CDH13: variants seen among roughly 807,000 people sequenced by gnomAD.
CDH13 encodes cadherin 13, also known as cadherin-13.
In CDH13, 24 loss-of-function variants were observed where a neutral mutation model predicts 63.8. That is an observed-to-expected ratio of 0.38 (90% CI 0.27 to 0.53). The LOEUF (loss-of-function observed/expected upper bound fraction) is 0.53. CDH13 is among the 20% of genes least tolerant of loss of function. The pLI, the probability that CDH13 is intolerant of heterozygous loss-of-function variation, is 0.85. For synonymous variants in CDH13, 503 were observed against 355.3 expected (o/e 1.42, Z -4.67); for missense variants, 1,049 against 903.1 (o/e 1.16, Z -2.07).
At chr16:83,750,735 G>A (rs1913011009) in intron 11 of CDH13, among the ~76,000 whole-genome samples, 1 of 152,154 alleles carries the variant, frequency 6.6e-6, no homozygotes, top group Non-Finnish European at 1.5e-5. Flanking sequence ...AGCAGCTGGG[G>A]GAGAGGCTGG....
At chr16:83,341,440 G>A (rs945160807) in intron 5 of CDH13, among the ~76,000 whole-genome samples, 45 of 152,142 alleles carry the variant, frequency 3.0e-4, no homozygotes, top group African/African-American at 1.1e-3. Context: ...GTGATTGGGT[G>A]GATAAGGCTG....
intron 13 of CDH13, among the ~76,000 whole-genome samples, chr16:83,792,188 G>A (rs1015229491): frequency 3.3e-5 from 5 of 152,204 alleles, no homozygotes; most frequent in Admixed American, 1.3e-4. Context: ...GCAGACGGCC[G>A]CGGTCATGCT....
chr16:83,667,421 C>T (rs1456581610), intron 8 of CDH13, among the ~76,000 whole-genome samples: 1 of 151,836 alleles, frequency 6.6e-6, no homozygotes, highest in Admixed American at 6.6e-5. Flanking sequence ...CCTACCCATC[C>T]ATCCATCCAC....
rs569680968 is a variant in CDH13 at position 83,371,076 on chromosome 16, C to A, written c.781+26070C>A. ...TGCAGAAAAAAAGGGAACATTTTTA[C>A]ACTGCTAGTGGGAATGTAAGTTAGT... On this transcript the variant is annotated intron_variant, in intron 6 of 13. Coordinates refer to ENST00000567109, the MANE Select transcript of CDH13 (RefSeq NM_001257.5). Among the ~76,000 whole-genome samples, 292 of 152,344 alleles carry A rather than the reference C, an allele frequency of 1.9e-3. 2 individuals carry two copies. The highest frequency in any genetic ancestry group is 8.1e-3 in the South Asian group (39 of 4,826).
intron 5 of CDH13, among the ~76,000 whole-genome samples, chr16:83,309,188 A>G (rs979604134): frequency 2.0e-5 from 3 of 152,168 alleles, no homozygotes; most frequent in African/African-American, 7.2e-5. Context: ...TTGCAGCGTT[A>G]TACCGAGTGC....
At chr16:83,216,443 T>TATATATATATAAATATATATATATATAC (rs1472700247) in intron 4 of CDH13, among the ~76,000 whole-genome samples, 5 of 93,420 alleles carry the variant, frequency 5.4e-5, no homozygotes, top group Non-Finnish European at 1.1e-4. Flanking sequence ...TATATATATA[T>TATATATATATAAATATATATATATATAC]ACACAACCCT....
At chr16:83,732,226 C>T (rs1026594856) in intron 10 of CDH13, among the ~76,000 whole-genome samples, 1 of 152,162 alleles carries the variant, frequency 6.6e-6, no homozygotes, top group East Asian at 1.9e-4. Flanking sequence ...GGAGAGTCAA[C>T]AGCTTAATGG....
Position 83,032,056 on chromosome 16 carries a change from C to G in CDH13, c.204C>G (p.Val68=), listed in dbSNP as rs751991343. ...GAAACGACAAGCTACGCTATGAGGT[C>G]TCGAGCCCATACTTCAAGGTGAACA... The part of the protein sequence containing the change: ...CKGNDKLRYE[V]SSPYFKVNSD... The change falls in exon 3 of 14, where the codon GTC becomes GTG. Residue 68 remains valine (V), a synonymous_variant. Coordinates refer to ENST00000567109, the MANE Select transcript of CDH13 (RefSeq NM_001257.5). 3.7e-6 allele frequency: 6 copies of G among 1,608,936 alleles called. No homozygotes were observed. The African/African-American group carries it at 4.0e-5, about 11-fold the overall frequency.
intron 1 of CDH13, among the ~76,000 whole-genome samples, chr16:82,764,860 T>G (rs2034993401): frequency 1.3e-5 from 2 of 151,020 alleles, no homozygotes; most frequent in African/African-American, 4.9e-5. Flanking sequence ...TGTCATCCAG[T>G]CTGGAGTGCA....
chr16:82,693,399 C>A (rs1001035042), intron 1 of CDH13, among the ~76,000 whole-genome samples: 1 of 152,064 alleles, frequency 6.6e-6, no homozygotes, highest in Admixed American at 6.5e-5. Flanking sequence ...CACAGTTGTG[C>A]AGGACATATC....
intron 1 of CDH13, among the ~76,000 whole-genome samples, chr16:82,706,078 C>T (rs911660219): frequency 6.6e-6 from 1 of 151,042 alleles, no homozygotes; most frequent in Non-Finnish European, 1.5e-5. Flanking sequence ...TCTCTTCCTC[C>T]CTTTCTTCTT....
intron 1 of CDH13, among the ~76,000 whole-genome samples, chr16:82,722,833 C>G (rs1049351739): frequency 2.6e-5 from 4 of 151,966 alleles, no homozygotes; most frequent in Non-Finnish European, 5.9e-5. Context: ...TTCACGTGAG[C>G]CCACCTGTGA....
intron 8 of CDH13, among the ~76,000 whole-genome samples, chr16:83,618,817 C>G (rs1277944821): frequency 6.6e-6 from 1 of 151,122 alleles, no homozygotes; most frequent in Admixed American, 6.6e-5. Context: ...ACAGGTTCAA[C>G]TTATCCTGTG....
intron 2 of CDH13, among the ~76,000 whole-genome samples, chr16:82,913,678 C>T (rs2041904584): frequency 6.6e-6 from 1 of 152,026 alleles, no homozygotes; most frequent in Non-Finnish European, 1.5e-5. Context: ...GTAAGGAGTG[C>T]ATGGGGAGGA....
At chr16:83,105,810 A>T (rs1467119495) in intron 3 of CDH13, among the ~76,000 whole-genome samples, 2 of 152,170 alleles carry the variant, frequency 1.3e-5, no homozygotes, top group Non-Finnish European at 1.5e-5. Context: ...ATGTGTGTGT[A>T]TGTCTGTGTG....
At chr16:83,393,002 C>T (rs1038901565) in intron 6 of CDH13, among the ~76,000 whole-genome samples, 2 of 151,930 alleles carry the variant, frequency 1.3e-5, no homozygotes, top group African/African-American at 4.8e-5. Flanking sequence ...TGTGGGTGCC[C>T]AGGCCTGGGA....
intron 7 of CDH13, among the ~76,000 whole-genome samples, chr16:83,504,587 G>A (rs906911352): frequency 6.6e-6 from 1 of 152,192 alleles, no homozygotes; most frequent in Non-Finnish European, 1.5e-5. Context: ...ATTCTAGCAA[G>A]ATGGGACCCA....
intron 1 of CDH13, among the ~76,000 whole-genome samples, chr16:82,660,875 T>G (rs1408347386): frequency 6.6e-6 from 1 of 152,108 alleles, no homozygotes; most frequent in African/African-American, 2.4e-5. Flanking sequence ...AACAAAGATG[T>G]AAAGAGCCTT....
intron 7 of CDH13, among the ~76,000 whole-genome samples, chr16:83,601,179 G>A (rs1907755502): frequency 6.6e-6 from 1 of 152,176 alleles, no homozygotes; most frequent in African/African-American, 2.4e-5. Flanking sequence ...CACATGAGCA[G>A]AGAAGAAGTA....
Sources: gnomAD v4.1 joint callset for allele counts (sites outside exome capture counted in the v4.1 genomes callset) on GRCh38, gnomAD v4.1.1 for gene constraint, MANE v1.5 for transcripts, NCBI Gene and HGNC (gene_info 2026-07-23, HGNC 2026-07-21) for gene names.